METTL15: variants seen among roughly 807,000 people sequenced by gnomAD.
The protein encoded by METTL15 is methyltransferase 15, mitochondrial 12S rRNA N4-cytidine.
Under a neutral mutation model 38.3 loss-of-function variants are expected in METTL15, and 34 were observed. The observed-to-expected ratio is 0.89, with a 90% CI of 0.68 to 1.18. The LOEUF (loss-of-function observed/expected upper bound fraction) is 1.18. Ranked by LOEUF, METTL15 falls within the 50% of genes most tolerant of loss-of-function variation. The pLI is 0.00. For synonymous variants in METTL15, 162 were observed against 170.9 expected (o/e 0.95, Z 0.41); for missense variants, 438 against 498.4 (o/e 0.88, Z 1.15).
chr11:28,183,593 T>A (rs1256796973), intron 3 of METTL15, among the ~76,000 whole-genome samples: 1 of 152,142 alleles, frequency 6.6e-6, no homozygotes, highest in East Asian at 1.9e-4. Context: ...TAGTCTTGCT[T>A]CCCAGGGATG....
intron 4 of METTL15, among the ~76,000 whole-genome samples, chr11:28,247,740 G>C (rs1013974488): frequency 6.6e-6 from 1 of 152,048 alleles, no homozygotes; most frequent in Non-Finnish European, 1.5e-5. Flanking sequence ...TCAACTTTTA[G>C]TGGTACAGTA....
intron 4 of METTL15, among the ~76,000 whole-genome samples, chr11:28,273,675 C>T (rs1414789714): frequency 6.6e-6 from 1 of 151,860 alleles, no homozygotes; most frequent in Non-Finnish European, 1.5e-5. Flanking sequence ...TAGTCAACTA[C>T]CTAAAATGTT....
chr11:28,181,680 C>T (rs1252509024), intron 3 of METTL15, among the ~76,000 whole-genome samples: 1 of 151,634 alleles, frequency 6.6e-6, no homozygotes, highest in Non-Finnish European at 1.5e-5. Context: ...GGGTGGGTTC[C>T]AGCCTTTGCT....
intron 5 of METTL15, among the ~76,000 whole-genome samples, chr11:28,379,581 T>C (rs1236315258): frequency 2.6e-5 from 4 of 152,220 alleles, no homozygotes; most frequent in African/African-American, 7.2e-5. Flanking sequence ...ATACTTTATA[T>C]AATTACTACT....
chr11:28,518,946 T>C (rs1324873396), intron 6 of METTL15: 1 of 152,250 alleles, frequency 6.6e-6, no homozygotes, highest in African/African-American at 2.4e-5. Flanking sequence ...ACATTTCATA[T>C]ATGTATCTGT....
chr11:28,445,843 A>G (rs1851070892), intron 6 of METTL15, among the ~76,000 whole-genome samples: 1 of 151,554 alleles, frequency 6.6e-6, no homozygotes, highest in South Asian at 2.1e-4. Context: ...TGTAGAGATG[A>G]GGTTTTGCCA....
intron 4 of METTL15, among the ~76,000 whole-genome samples, chr11:28,240,113 A>G (rs1262527007): frequency 6.6e-6 from 1 of 152,172 alleles, no homozygotes; most frequent in Non-Finnish European, 1.5e-5. Flanking sequence ...CTATTGCACT[A>G]TAAATGATGC....
intron 3 of METTL15, among the ~76,000 whole-genome samples, chr11:28,147,033 C>A (rs1849910952): frequency 6.6e-6 from 1 of 151,684 alleles, no homozygotes; most frequent in South Asian, 2.1e-4. Context: ...GGTATTTTGG[C>A]TTAAGAGAGC....
chr11:28,111,757 G>A (rs145918249), intron 2 of METTL15, among the ~76,000 whole-genome samples: 58 of 152,304 alleles, frequency 3.8e-4, no homozygotes, highest in Admixed American at 1.5e-3. Context: ...ATGAGGTAGC[G>A]CATGTAGTGT....
intron 3 of METTL15, among the ~76,000 whole-genome samples, chr11:28,156,209 A>G (rs895389083): frequency 6.6e-6 from 1 of 152,200 alleles, no homozygotes; most frequent in Non-Finnish European, 1.5e-5. Flanking sequence ...TGGTCTTTAC[A>G]GAAGACATGA....
At chr11:28,460,425 G>A (rs1468192152) in intron 6 of METTL15, among the ~76,000 whole-genome samples, 4 of 152,070 alleles carry the variant, frequency 2.6e-5, no homozygotes, top group Non-Finnish European at 5.9e-5. Context: ...GCCTAGCACA[G>A]AACTGGATGA....
chr11:28,399,175 C>G (rs1189939926), intron 5 of METTL15: 1 of 151,816 alleles, frequency 6.6e-6, no homozygotes, highest in Non-Finnish European at 1.5e-5. Context: ...CTTTGACAAA[C>G]CTGACAAAAA....
At chr11:28,430,940 G>C (rs867251118) in intron 6 of METTL15, among the ~76,000 whole-genome samples, 1 of 108,024 alleles carries the variant, frequency 9.3e-6, no homozygotes, top group Non-Finnish European at 2.1e-5. Flanking sequence ...CGCCCCGTCC[G>C]GGAGGTGAGG....
At chr11:28,303,702 A>T (rs1420649810) in intron 6 of METTL15, among the ~76,000 whole-genome samples, 1 of 152,162 alleles carries the variant, frequency 6.6e-6, no homozygotes, top group African/African-American at 2.4e-5. Flanking sequence ...CAATAAAAGG[A>T]TACGTACATT....
chr11:28,515,902 C>A (rs1431718320), intron 6 of METTL15, among the ~76,000 whole-genome samples: 1 of 152,212 alleles, frequency 6.6e-6, no homozygotes, highest in African/African-American at 2.4e-5. Flanking sequence ...TCTAGCTAAG[C>A]CTCTTCTCAG....
intron 5 of METTL15, among the ~76,000 whole-genome samples, chr11:28,380,957 C>A (rs1359409508): frequency 6.6e-6 from 1 of 151,868 alleles, no homozygotes; most frequent in African/African-American, 2.4e-5. Flanking sequence ...TCATTCACTT[C>A]TTTTCTCTTG....
At chr11:28,442,508 C>T (rs1554926091) in intron 6 of METTL15, among the ~76,000 whole-genome samples, 2 of 152,012 alleles carry the variant, frequency 1.3e-5, no homozygotes, top group Non-Finnish European at 2.9e-5. Flanking sequence ...AACACGTATA[C>T]ACAGAATTTA....
chr11:28,395,439 G>A (rs527257448), intron 5 of METTL15, among the ~76,000 whole-genome samples: 23 of 152,030 alleles, frequency 1.5e-4, no homozygotes, highest in Non-Finnish European at 2.1e-4. Flanking sequence ...CATTGCCCAG[G>A]TTCCTCACCC....
intron 4 of METTL15, among the ~76,000 whole-genome samples, chr11:28,239,219 A>T (rs930068727): frequency 2.0e-5 from 3 of 152,212 alleles, no homozygotes; most frequent in African/African-American, 7.2e-5. Flanking sequence ...TCTCAGATCT[A>T]ACATGTTTAA....
Sources: gnomAD v4.1 joint callset for allele counts (sites outside exome capture counted in the v4.1 genomes callset) on GRCh38, gnomAD v4.1.1 for gene constraint, MANE v1.5 for transcripts, NCBI Gene and HGNC (gene_info 2026-07-23, HGNC 2026-07-21) for gene names.